The following CCDC171 variants were observed in gnomAD, a reference collection of about 807,000 sequenced individuals.
The protein encoded by CCDC171 is coiled-coil domain containing 171.
Under a neutral mutation model 168.2 loss-of-function variants are expected in CCDC171, and 177 were observed. The ratio of observed to expected loss-of-function variants is 1.05; its 90% CI spans 0.93 to 1.19. The LOEUF (loss-of-function observed/expected upper bound fraction) is 1.19. Among genes scored for constraint, CCDC171 ranks in the 50% most tolerant of loss-of-function variants. The pLI is 0.00. For missense variants in CCDC171, 1,991 were observed against 1,539.0 expected, an observed-to-expected ratio of 1.29 and a Z score of -4.91; for synonymous variants, 687 against 540.8, an observed-to-expected ratio of 1.27 and a Z score of -3.75.
chr9:15,861,113 C>T (rs970170912), intron 23 of CCDC171, among the ~76,000 whole-genome samples: 1 of 151,610 alleles, frequency 6.6e-6, no homozygotes, highest in Non-Finnish European at 1.5e-5. Context: ...TTTTTGGTTA[C>T]CAAATGGTAA....
rs116221287 is a variant in CCDC171, at chr9:15,615,066, G to C, written c.676-8201G>C. Among the ~76,000 whole-genome samples, 949 of 152,150 alleles carry C rather than the reference G, an allele frequency of 6.2e-3. 8 individuals are homozygous for C. Among genetic ancestry groups the C allele is most frequent in the African/African-American group, 0.022 (924 of 41,514 alleles). Reference sequence around the variant, plus strand: ...TCTTGATACCAAACTGACAAGGATAGAAGAAAAGATAATTATAGCTAATCT... The same window carrying C: ...TCTTGATACCAAACTGACAAGGATACAAGAAAAGATAATTATAGCTAATCT... On this transcript the variant is annotated intron_variant, in intron 6 of 25. Coordinates refer to ENST00000380701, the MANE Select transcript of CCDC171 (RefSeq NM_173550.4).
intron 6 of CCDC171, among the ~76,000 whole-genome samples, chr9:15,595,934 C>T (rs1407476765): frequency 6.6e-6 from 1 of 152,174 alleles, no homozygotes; most frequent in Non-Finnish European, 1.5e-5. Flanking sequence ...CTTTTGGCTG[C>T]AGAAATGTCT....
intron 18 of CCDC171, among the ~76,000 whole-genome samples, chr9:15,762,492 T>A (rs947363789): frequency 1.6e-4 from 24 of 152,166 alleles, no homozygotes; most frequent in African/African-American, 4.6e-4. Context: ...GCCAATTATG[T>A]TATTAAAGAA....
At chr9:15,870,656 A>G (rs907449623) in intron 23 of CCDC171, among the ~76,000 whole-genome samples, 2 of 151,482 alleles carry the variant, frequency 1.3e-5, no homozygotes, top group Non-Finnish European at 1.5e-5. Flanking sequence ...TCATTTCATG[A>G]GTGTGTGTTT....
chr9:15,634,390 T>C (rs892521688), intron 7 of CCDC171, among the ~76,000 whole-genome samples: 1 of 152,106 alleles, frequency 6.6e-6, no homozygotes, highest in Non-Finnish European at 1.5e-5. Context: ...GGTTAGAAAA[T>C]GGAAGAAGGA....
chr9:15,831,392 G>T (rs369995269), intron 21 of CCDC171, among the ~76,000 whole-genome samples: 1 of 152,232 alleles, frequency 6.6e-6, no homozygotes, highest in East Asian at 1.9e-4. Context: ...ACCACATTAG[G>T]AATCTTTAGA....
intron 21 of CCDC171, among the ~76,000 whole-genome samples, chr9:15,808,777 C>A (rs1030147230): frequency 2.0e-5 from 3 of 152,010 alleles, no homozygotes; most frequent in Non-Finnish European, 4.4e-5. Context: ...TTCAAGTCAC[C>A]CAGAATGATA....
At chr9:15,679,077 T>G (rs1398797738) in intron 10 of CCDC171, among the ~76,000 whole-genome samples, 181 bp downstream of exon 10, 1 of 152,012 alleles carries the variant, frequency 6.6e-6, no homozygotes, top group Non-Finnish European at 1.5e-5. Flanking sequence ...TAATGAAACC[T>G]CTCTGATTTG....
At chr9:15,776,522 G>A (rs937037910) in intron 18 of CCDC171, among the ~76,000 whole-genome samples, 1 of 152,202 alleles carries the variant, frequency 6.6e-6, no homozygotes, top group African/African-American at 2.4e-5. Context: ...TCCAATTTAT[G>A]TATAACTCCT....
chr9:15,603,940 C>G (rs1380126995), intron 6 of CCDC171, among the ~76,000 whole-genome samples: 1 of 152,150 alleles, frequency 6.6e-6, no homozygotes, highest in Non-Finnish European at 1.5e-5. Flanking sequence ...TTAATAATTG[C>G]CATTCTGACT....
chr9:16,083,785 C>T, the CCDC171 span, among the ~76,000 whole-genome samples: 2 of 152,198 alleles, frequency 1.3e-5, no homozygotes, highest in African/African-American at 4.8e-5. Flanking sequence ...GATCTTTCTG[C>T]ATCTAAGAGA....
At chr9:15,559,863 C>G (rs1305473739) in intron 1 of CCDC171, among the ~76,000 whole-genome samples, 2 of 152,064 alleles carry the variant, frequency 1.3e-5, no homozygotes. Flanking sequence ...TTTGCAGTGG[C>G]TGGTACCGGT....
chr9:15,753,505 G>A (rs2055898050), intron 18 of CCDC171, among the ~76,000 whole-genome samples: 1 of 152,100 alleles, frequency 6.6e-6, no homozygotes, highest in Non-Finnish European at 1.5e-5. Flanking sequence ...TATAAAACTA[G>A]GCAGTAATTT....
At chr9:15,688,983 T>C (rs767985585) in intron 10 of CCDC171, among the ~76,000 whole-genome samples, 4 of 152,206 alleles carry the variant, frequency 2.6e-5, no homozygotes, top group Non-Finnish European at 5.9e-5. Context: ...CAGAGAAAAT[T>C]ATTAGAGCTA....
intron 7 of CCDC171, among the ~76,000 whole-genome samples, chr9:15,626,031 C>G (rs1293691700): frequency 1.3e-5 from 2 of 152,276 alleles, no homozygotes; most frequent in East Asian, 1.9e-4. Context: ...AGAGGTCCTT[C>G]ACATCCCTTG....
intron 24 of CCDC171, among the ~76,000 whole-genome samples, chr9:15,911,388 G>A (rs1447579432): frequency 1.3e-5 from 2 of 152,070 alleles, no homozygotes; most frequent in African/African-American, 4.8e-5. Context: ...CTTTTTGATG[G>A]GGTTGTTTGT....
rs149052177 is a variant in CCDC171, at chr9:15,645,927, T to C, written c.823-11200T>C. Among the ~76,000 whole-genome samples, 35 of 152,130 alleles carry C rather than the reference T, an allele frequency of 2.3e-4. No individual in the cohort carries two copies. The East Asian group carries it at 6.2e-3, about 27-fold the overall frequency. On this transcript the variant is annotated intron_variant, in intron 7 of 25. Coordinates refer to ENST00000380701, the MANE Select transcript of CCDC171 (RefSeq NM_173550.4). ...CAAAGATACTCCTCGAGAAGAGCAATTCCAAGACACATAATTGTCAGATTC... is the reference window on the plus strand; with the variant it reads ...CAAAGATACTCCTCGAGAAGAGCAACTCCAAGACACATAATTGTCAGATTC...
At chr9:15,616,588 A>C (rs191744980) in intron 6 of CCDC171, among the ~76,000 whole-genome samples, 3 of 152,254 alleles carry the variant, frequency 2.0e-5, no homozygotes, top group Admixed American at 1.3e-4. Flanking sequence ...TATTTACTTT[A>C]AAGTAGACAA....
intron 18 of CCDC171, among the ~76,000 whole-genome samples, chr9:15,770,750 C>A (rs2056970377): frequency 6.6e-6 from 1 of 152,142 alleles, no homozygotes; most frequent in Admixed American, 6.5e-5. Flanking sequence ...GTGCATGGTG[C>A]TTTTAAAAAT....
Sources: gnomAD v4.1 joint callset for allele counts (sites outside exome capture counted in the v4.1 genomes callset) on GRCh38, gnomAD v4.1.1 for gene constraint, MANE v1.5 for transcripts, NCBI Gene and HGNC (gene_info 2026-07-23, HGNC 2026-07-21) for gene names.